Variants in STIP1 observed in about 807,000 individuals in gnomAD.
STIP1 encodes stress-induced-phosphoprotein 1.
Under a neutral mutation model 77.4 loss-of-function variants are expected in STIP1, and 16 were observed. The observed-to-expected ratio is 0.21, with a 90% CI of 0.14 to 0.31. The LOEUF (loss-of-function observed/expected upper bound fraction) is 0.31. STIP1 is among the 10% of genes least tolerant of loss of function. The probability of loss-of-function intolerance (pLI) is 1.00; values close to 1 mark genes in which losing one functional copy is unlikely to be tolerated. For synonymous variants in STIP1, 258 were observed against 246.6 expected (o/e 1.05, Z -0.44); for missense variants, 524 against 684.8 (o/e 0.77, Z 2.62).
Position 64,202,858 on chromosome 11 carries a change from T to C in STIP1, c.1246-18T>C. On this transcript the variant is annotated intron_variant, in intron 10 of 13. Coordinates refer to ENST00000305218, the MANE Select transcript of STIP1 (RefSeq NM_006819.3). ...TCCAAGGGAATGAGCCTAATTTCTT[T>C]CTGTTGCTTCATTCTAGGACTGTGA... is the stretch of plus-strand genomic sequence containing the variant. 3 of 1,614,178 alleles carry C rather than the reference T, an allele frequency of 1.9e-6. No individual in the cohort carries two copies. The highest frequency in any genetic ancestry group is 1.3e-5 in the African/African-American group (1 of 75,054).
chr11:64,203,750 A>C (rs942836291), intron 13 of STIP1, 128 bp downstream of exon 13: 18 of 1,307,172 alleles, frequency 1.4e-5, no homozygotes, highest in South Asian at 4.0e-5. Context: ...TCCTAAACTT[A>C]AGGAGATTGG....
At position 64,200,036 on chromosome 11, in the gene STIP1, G is replaced by GGT; in HGVS notation, c.1120+1_1120+2dup. On this transcript the variant is annotated frameshift_variant and splice_region_variant. Coordinates refer to ENST00000305218, the MANE Select transcript of STIP1 (RefSeq NM_006819.3). LOFTEE classifies it high-confidence loss of function. ...CAAAGGCAACGAGTGTTTTCAGAAA[G>GGT]GTACTGCCTGCAGCTGGGGGATTGG... is the stretch of plus-strand genomic sequence containing the variant. 1 of 1,614,198 alleles carries GGT rather than the reference G, an allele frequency of 6.2e-7. No homozygotes were observed. The highest frequency in any genetic ancestry group is 1.1e-5 in the South Asian group (1 of 91,082).
At chr11:64,203,097 G>A (rs936893178) in intron 11 of STIP1, 28 bp from the exon 12 acceptor site, 3 of 1,613,690 alleles carry the variant, frequency 1.9e-6, no homozygotes, top group Non-Finnish European at 2.5e-6. Context: ...GCTGCGGTTG[G>A]ATAACGCGCC....
chr11:64,192,709 C>CT (rs1946106235), intron 1 of STIP1, among the ~76,000 whole-genome samples: 2 of 152,194 alleles, frequency 1.3e-5, no homozygotes, highest in African/African-American at 4.8e-5. Context: ...GGGCTGTGCT[C>CT]TGTTTGTCAT....
intron 2 of STIP1, 54 bp downstream of exon 2, chr11:64,193,341 C>A (rs1283004376): frequency 6.4e-7 from 1 of 1,567,828 alleles, no homozygotes; most frequent in Non-Finnish European, 8.8e-7. Context: ...CCAGAAATGC[C>A]TTTTGGTGGC....
intron 1 of STIP1, among the ~76,000 whole-genome samples, chr11:64,189,100 C>T (rs1226862585): frequency 2.6e-5 from 4 of 152,224 alleles, no homozygotes; most frequent in South Asian, 2.1e-4. Context: ...TGCTGGCTCA[C>T]GCCTGTAATC....
At position 64,202,640 on chromosome 11, in the gene STIP1, T is replaced by C. The variant is rs1946232228; in HGVS notation, c.1246-236T>C. 5.1e-5 allele frequency: 29 copies of C among 569,328 alleles called. No homozygotes were observed. The South Asian group carries it at 6.1e-4, about 12-fold the overall frequency. 35.3% of individuals were successfully genotyped at this position (569,328 alleles called of 1,614,324 possible). ...TGTCTAGTTGTCATGTACTCTTCAG[T>C]TTCTCAAACTGGAATTGTCCCCCGC... On this transcript the variant is annotated intron_variant, in intron 10 of 13. Coordinates refer to ENST00000305218, the MANE Select transcript of STIP1 (RefSeq NM_006819.3).
rs779107809 is a variant in STIP1, at chr11:64,204,048, CTG to C, written c.1560-4_1560-3del. On this transcript the variant is annotated splice_polypyrimidine_tract_variant and splice_region_variant and intron_variant, in intron 13 of 13. Transcript: ENST00000305218. ...TCATTTCAAGTAACTGCGTCTTCCT[CTG>C]TAGACACTTAAAGAATCCTGTAATA... 1.2e-6 allele frequency: 2 copies of C among 1,614,006 alleles called. No individual in the cohort carries two copies. The highest frequency in any genetic ancestry group is 2.7e-5 in the African/African-American group (2 of 74,924).
intron 4 of STIP1, among the ~76,000 whole-genome samples, chr11:64,194,878 A>G (rs575488460): frequency 6.6e-6 from 1 of 152,212 alleles, no homozygotes; most frequent in East Asian, 1.9e-4. Context: ...TCTAGCGTCA[A>G]CCCCATCCTT....
Position 64,203,716 on chromosome 11 carries a change from G to A in STIP1, c.1559+94G>A, listed in dbSNP as rs757984488. 58 of 1,484,872 alleles carry A rather than the reference G, an allele frequency of 3.9e-5. No individual in the cohort carries two copies. The South Asian group carries it at 5.6e-4, about 14-fold the overall frequency. 92.0% of individuals were successfully genotyped at this position (1,484,872 alleles called of 1,614,324 possible). The stretch of plus-strand genomic sequence containing the variant: ...CTGGGGGGTGGTATGCTCAGTCTGC[G>A]AGGAAGAGGAATTCTGTCATTCTTC... On this transcript the variant is annotated intron_variant, in intron 13 of 13. Coordinates refer to ENST00000305218, the MANE Select transcript of STIP1 (RefSeq NM_006819.3).
chr11:64,187,071 CG>C (rs1013549672), intron 1 of STIP1, among the ~76,000 whole-genome samples: 3 of 151,996 alleles, frequency 2.0e-5, no homozygotes, highest in African/African-American at 7.3e-5. Flanking sequence ...TCTGACGACC[CG>C]GGGGTGGTTG....
intron 12 of STIP1, 76 bp from the exon 13 acceptor site, chr11:64,203,374 C>G: frequency 6.2e-7 from 1 of 1,600,126 alleles, no homozygotes; most frequent in Non-Finnish European, 8.5e-7. Flanking sequence ...TCAGTTACCT[C>G]TGTTATCTTG....
In STIP1 at chr11:64,194,225, A is replaced by T. The variant is rs1192406075; in HGVS notation, c.256A>T (p.Asn86Tyr). The T allele has an allele frequency of 6.2e-7, 1 of 1,614,186 alleles. No individual in the cohort carries two copies. Among genetic ancestry groups the T allele is most frequent in the Admixed American group, 1.7e-5 (1 of 60,018 alleles). The part of the protein sequence containing the change: ...SRKAAALEFL[N>Y]RFEEAKRTYE... Reference sequence around the variant, plus strand: ...AAAAGCAGCAGCTCTAGAGTTCTTAAACCGCTTTGAAGAAGCCAAGCGAAC... The same window carrying T: ...AAAAGCAGCAGCTCTAGAGTTCTTATACCGCTTTGAAGAAGCCAAGCGAAC... Residue 86 changes from asparagine to tyrosine, a missense_variant, in exon 3 of 14, where the codon AAC (asparagine) becomes TAC (tyrosine). Asn to Tyr is a moderately radical substitution (Grantham distance 143). Transcript: ENST00000305218.
chr11:64,198,014 A>T, intron 8 of STIP1, 40 bp downstream of exon 8: 1 of 1,579,524 alleles, frequency 6.3e-7, no homozygotes. Flanking sequence ...TTGTTTTCCT[A>T]ATAATTGAGC....
intron 1 of STIP1, among the ~76,000 whole-genome samples, chr11:64,189,720 A>T (rs1486410113): frequency 6.6e-6 from 1 of 152,148 alleles, no homozygotes; most frequent in Non-Finnish European, 1.5e-5. Flanking sequence ...GGTCTCTTAA[A>T]ATGCTGGTCA....
At chr11:64,196,411 A>AG (rs1565280849) in intron 5 of STIP1, among the ~76,000 whole-genome samples, 1 of 151,752 alleles carries the variant, frequency 6.6e-6, no homozygotes, top group African/African-American at 2.4e-5. Flanking sequence ...AAAAAAAAAA[A>AG]AAAGCTTCAC....
chr11:64,185,726 C>T (rs1023568615), upstream of STIP1: 19 of 1,464,322 alleles, frequency 1.3e-5, no homozygotes, highest in Non-Finnish European at 1.7e-5. Flanking sequence ...CGGGGCGAAA[C>T]CCGGCCTTTT....
upstream of STIP1, chr11:64,185,711 A>T: frequency 7.1e-7 from 1 of 1,412,988 alleles, no homozygotes; most frequent in Non-Finnish European, 9.5e-7. Context: ...CCCATATATC[A>T]GGGGCGGGGC....
chr11:64,189,232 G>C (rs950683611), intron 1 of STIP1, among the ~76,000 whole-genome samples: 27 of 152,132 alleles, frequency 1.8e-4, no homozygotes, highest in Non-Finnish European at 8.8e-5. Context: ...GTGGTGGCAC[G>C]CGCCTGTAGT....
Sources: allele counts gnomAD v4.1 joint callset (sites outside exome capture counted in the v4.1 genomes callset), GRCh38; gene constraint gnomAD v4.1.1; transcripts MANE v1.5; gene names NCBI Gene and HGNC (gene_info 2026-07-23, HGNC 2026-07-21).